The following LIPI variants were observed in gnomAD, a reference collection of about 807,000 sequenced individuals.
LIPI encodes the protein lipase member I.
In LIPI, 59 loss-of-function variants were observed where a neutral mutation model predicts 50.6. The observed-to-expected ratio is 1.16, with a 90% confidence interval of 0.94 to 1.45. The LOEUF is 1.45. LIPI is among the 40% of genes most tolerant of loss of function. LIPI has a pLI of 0.00. For missense variants in LIPI, 586 were observed against 536.3 expected, an observed-to-expected ratio of 1.09 and a Z score of -0.92; for synonymous variants, 203 against 178.2, an observed-to-expected ratio of 1.14 and a Z score of -1.11.
At chr21:14,124,747 CT>C (rs1184572401) in intron 9 of LIPI, among the ~76,000 whole-genome samples, 2 of 152,196 alleles carry the variant, frequency 1.3e-5, no homozygotes, top group Non-Finnish European at 2.9e-5. Flanking sequence ...AGGTGATCAT[CT>C]TTTAATAAAG....
chr21:14,199,252 G>A (rs2019967267), intron 1 of LIPI, among the ~76,000 whole-genome samples: 1 of 151,674 alleles, frequency 6.6e-6, no homozygotes, highest in Admixed American at 6.6e-5. Flanking sequence ...AATCAGAGCT[G>A]AACTGACGGA....
chr21:14,122,635 G>A (rs911495538), intron 9 of LIPI, among the ~76,000 whole-genome samples: 2 of 152,078 alleles, frequency 1.3e-5, no homozygotes, highest in Non-Finnish European at 2.9e-5. Flanking sequence ...AACTTTCAAC[G>A]GACCACACAT....
intron 9 of LIPI, among the ~76,000 whole-genome samples, chr21:14,124,101 G>A (rs2016962911): frequency 6.6e-6 from 1 of 152,108 alleles, no homozygotes; most frequent in Admixed American, 6.5e-5. Flanking sequence ...ATTGGAGGAT[G>A]TCTAATACTG....
chr21:14,146,182 T>C (rs556998163), intron 8 of LIPI, among the ~76,000 whole-genome samples: 220 of 152,222 alleles, frequency 1.4e-3, no homozygotes, highest in African/African-American at 5.0e-3. Context: ...TTTAGTTACA[T>C]GTATCCACTG....
At chr21:14,169,591 A>G (rs978149639) in intron 4 of LIPI, among the ~76,000 whole-genome samples, 34 of 152,370 alleles carry the variant, frequency 2.2e-4, no homozygotes, top group Admixed American at 7.8e-4. Flanking sequence ...ATGGAAACTG[A>G]ACAATCTGCT....
At chr21:14,191,919 T>C (rs1053897418) in intron 1 of LIPI, among the ~76,000 whole-genome samples, 4 of 152,190 alleles carry the variant, frequency 2.6e-5, no homozygotes, top group African/African-American at 9.6e-5. Flanking sequence ...TCCTCCAATG[T>C]GCTAGGTTCT....
In LIPI at chr21:14,173,420, T is replaced by C. The variant is rs115899878; in HGVS notation, c.644-6969A>G. 9.5e-3 allele frequency among the ~76,000 whole-genome samples: 1,442 copies of C among 152,284 alleles called. 17 individuals carry two copies. The highest frequency in any genetic ancestry group is 0.032 in the African/African-American group (1,339 of 41,570). On this transcript the variant is annotated intron_variant, in intron 4 of 9. Coordinates refer to ENST00000681601, the MANE Select transcript of LIPI (RefSeq NM_001302998.2). Reference sequence around the variant, plus strand: ...AGGGTTTATGTAGCCCTGTAGATCATTGGACCACTGGTGAATGTACAGATT... The same window carrying C: ...AGGGTTTATGTAGCCCTGTAGATCACTGGACCACTGGTGAATGTACAGATT...
rs376678551 is a variant in LIPI at position 14,152,683 on chromosome 21, G to A, written c.1008C>T (p.Thr336=). 3.0e-5 allele frequency: 42 copies of A among 1,414,214 alleles called. No homozygotes were observed. In the East Asian group the frequency reaches 8.5e-4, roughly 29 times the overall value. The allele number at this position is 1,414,214 out of a possible 1,614,324, so 87.6% of individuals were successfully genotyped here. A position where few individuals can be genotyped will look rare whatever the true frequency, so the allele number is the denominator to read the frequency against. Residue 336 remains threonine, a splice_region_variant and synonymous_variant, in exon 8 of 10, where the codon ACC becomes ACT. Coordinates refer to ENST00000681601, the MANE Select transcript of LIPI (RefSeq NM_001302998.2). Reference sequence around the variant, plus strand: ...CAATTATACTGAGAACAAAATAATAGGCTACAAAATAAAAATATAGAATAC... The same window carrying A: ...CAATTATACTGAGAACAAAATAATAAGCTACAAAATAAAAATATAGAATAC... ...LDTSGTYPFC[T]YYFVLSIIVP...
At chr21:14,120,309 G>T (rs1186044406) in intron 9 of LIPI, among the ~76,000 whole-genome samples, 1 of 152,170 alleles carries the variant, frequency 6.6e-6, no homozygotes, top group Non-Finnish European at 1.5e-5. Context: ...CAGCACAGAA[G>T]GCAGAATAGC....
At chr21:14,116,856 G>C (rs575062075) in intron 9 of LIPI, among the ~76,000 whole-genome samples, 9 of 152,286 alleles carry the variant, frequency 5.9e-5, no homozygotes, top group Non-Finnish European at 1.3e-4. Context: ...CCAGGAGAAA[G>C]AGTAGCAAGG....
intron 8 of LIPI, among the ~76,000 whole-genome samples, chr21:14,148,211 T>C (rs1051543657): frequency 2.0e-5 from 3 of 152,138 alleles, no homozygotes; most frequent in African/African-American, 4.8e-5. Flanking sequence ...AGGGGAAGAA[T>C]GATTATAAAC....
At chr21:14,169,651 T>A (rs1186686565) in intron 4 of LIPI, among the ~76,000 whole-genome samples, 4 of 152,202 alleles carry the variant, frequency 2.6e-5, no homozygotes, top group African/African-American at 9.6e-5. Context: ...AATAAAGATG[T>A]TGTTTGAAAC....
At chr21:14,196,462 G>T (rs1411502307) in intron 1 of LIPI, among the ~76,000 whole-genome samples, 2 of 152,116 alleles carry the variant, frequency 1.3e-5, no homozygotes, top group African/African-American at 2.4e-5. Flanking sequence ...AAGGGTGCAG[G>T]AAGTGTTTTA....
intron 3 of LIPI, among the ~76,000 whole-genome samples, chr21:14,182,067 C>CGA (rs1568872677): frequency 2.0e-5 from 3 of 152,270 alleles, no homozygotes; most frequent in Non-Finnish European, 4.4e-5. Context: ...CAGAGCTTTT[C>CGA]AGGTTAAGCC....
chr21:14,152,712 T>A, intron 7 of LIPI, 28 bp from the exon 8 acceptor site: 1 of 1,143,366 alleles, frequency 8.7e-7, no homozygotes. Flanking sequence ...AGAATACAAC[T>A]CACATTATTT....
At chr21:14,182,179 G>A (rs978590981) in intron 3 of LIPI, among the ~76,000 whole-genome samples, 1 of 152,016 alleles carries the variant, frequency 6.6e-6, no homozygotes, top group Non-Finnish European at 1.5e-5. Context: ...TATTTCTCCT[G>A]AAGGAAAAAA....
intron 9 of LIPI, among the ~76,000 whole-genome samples, chr21:14,143,088 A>T (rs1210116468): frequency 1.3e-5 from 2 of 152,150 alleles, no homozygotes; most frequent in Non-Finnish European, 2.9e-5. Flanking sequence ...AGATAATGGA[A>T]TCCCCAAATA....
intron 9 of LIPI, among the ~76,000 whole-genome samples, chr21:14,114,909 G>C (rs1308939817): frequency 6.6e-6 from 1 of 152,170 alleles, no homozygotes; most frequent in Non-Finnish European, 1.5e-5. Context: ...GGGCAACAAA[G>C]AAAGGATAGC....
chr21:14,145,987 A>T (rs1237437596), intron 8 of LIPI, among the ~76,000 whole-genome samples: 4 of 152,164 alleles, frequency 2.6e-5, no homozygotes, highest in Non-Finnish European at 5.9e-5. Flanking sequence ...ATGTCATTAG[A>T]TATATCACTA....
Sources: gnomAD v4.1 joint callset for allele counts (sites outside exome capture counted in the v4.1 genomes callset) on GRCh38, gnomAD v4.1.1 for gene constraint, MANE v1.5 for transcripts, NCBI Gene and HGNC (gene_info 2026-07-23, HGNC 2026-07-21) for gene names.